The following CALN1 variants were observed in gnomAD, a reference collection of about 807,000 sequenced individuals.
CALN1 encodes the protein calneuron 1.
CALN1 carries 17 observed loss-of-function variants against 30.6 expected under a neutral mutation model. The observed-to-expected ratio is 0.56, with a 90% confidence interval of 0.38 to 0.83. CALN1 has a LOEUF of 0.83. Ranked by LOEUF, CALN1 falls within the 40% of genes least tolerant of loss-of-function variation. CALN1 has a pLI of 0.00. For synonymous variants in CALN1, 156 were observed against 131.4 expected, an observed-to-expected ratio of 1.19 and a Z score of -1.28; for missense variants, 291 against 354.9, an observed-to-expected ratio of 0.82 and a Z score of 1.45.
chr7:72,021,930 C>A (rs1319921890), intron 5 of CALN1, among the ~76,000 whole-genome samples: 1 of 152,140 alleles, frequency 6.6e-6, no homozygotes, highest in Non-Finnish European at 1.5e-5. Flanking sequence ...CTGCCAATAA[C>A]AGCAAGTTGG....
chr7:72,137,879 A>G (rs1180126981), intron 3 of CALN1, among the ~76,000 whole-genome samples: 4 of 152,222 alleles, frequency 2.6e-5, no homozygotes, highest in African/African-American at 9.7e-5. Context: ...TAAATATAGC[A>G]TATCTATTTG....
At chr7:71,887,444 C>T (rs760395912) in intron 5 of CALN1, among the ~76,000 whole-genome samples, 1 of 152,114 alleles carries the variant, frequency 6.6e-6, no homozygotes, top group Non-Finnish European at 1.5e-5. Context: ...TACAGGCATG[C>T]GTCACCACGC....
At chr7:71,927,028 G>T (rs774072402) in intron 5 of CALN1, among the ~76,000 whole-genome samples, 3 of 152,072 alleles carry the variant, frequency 2.0e-5, no homozygotes, top group Admixed American at 6.6e-5. Context: ...GTTCTGTCTT[G>T]CATTTTTATT....
At chr7:72,058,517 C>T (rs1803430080) in intron 4 of CALN1, among the ~76,000 whole-genome samples, 1 of 151,814 alleles carries the variant, frequency 6.6e-6, no homozygotes, top group Non-Finnish European at 1.5e-5. Context: ...TGGGGTTTCA[C>T]CATGTTGGTC....
chr7:72,022,400 T>C (rs1375441348), intron 5 of CALN1, among the ~76,000 whole-genome samples: 1 of 152,062 alleles, frequency 6.6e-6, no homozygotes, highest in African/African-American at 2.4e-5. Context: ...ATTATTTTTG[T>C]TTGTTTGTTT....
At chr7:72,152,510 C>T (rs1413489251) in intron 3 of CALN1, among the ~76,000 whole-genome samples, 1 of 152,172 alleles carries the variant, frequency 6.6e-6, no homozygotes, top group Non-Finnish European at 1.5e-5. Flanking sequence ...TGACTAGTGA[C>T]CAGTTTGATA....
chr7:72,460,430 G>A, the CALN1 span, among the ~76,000 whole-genome samples: 7 of 151,994 alleles, frequency 4.6e-5, no homozygotes, highest in Non-Finnish European at 8.8e-5. Context: ...TCAGGAGTTC[G>A]AGACCAGCCT....
At chr7:72,144,052 A>G (rs1224014397) in intron 3 of CALN1, among the ~76,000 whole-genome samples, 2 of 152,192 alleles carry the variant, frequency 1.3e-5, no homozygotes, top group African/African-American at 4.8e-5. Flanking sequence ...CGAGGCTAGG[A>G]AGAAACTGCA....
chr7:72,215,088 C>T (rs1418857122), intron 3 of CALN1, among the ~76,000 whole-genome samples: 1 of 152,100 alleles, frequency 6.6e-6, no homozygotes, highest in Non-Finnish European at 1.5e-5. Flanking sequence ...AACCATCCGA[C>T]ATCCCCCACT....
chr7:72,077,422 C>T (rs548589634), intron 4 of CALN1, among the ~76,000 whole-genome samples: 7 of 152,218 alleles, frequency 4.6e-5, no homozygotes, highest in African/African-American at 1.4e-4. Flanking sequence ...TACAGGCGTA[C>T]ACCATCACGC....
chr7:71,933,117 G>A (rs1279321728), intron 5 of CALN1, among the ~76,000 whole-genome samples: 5 of 151,880 alleles, frequency 3.3e-5, no homozygotes, highest in Non-Finnish European at 5.9e-5. Context: ...ATGGGTGAAT[G>A]CCATCAAGAA....
rs768579672 is a variant in CALN1 at position 71,787,835 on chromosome 7, G to A, written c.726C>T (p.Ala242=). Residue 242 remains alanine, a synonymous_variant, in exon 7 of 7, where the codon GCC becomes GCT. Transcript: ENST00000395275. ...RKSLICAFAM[A]FIISVMLIAA... ...CAATCAGCATGACACTGATGATGAA[G>A]GCCATAGCAAAGGCGCATATGAGGC... The A allele has an allele frequency of 1.1e-5, 17 of 1,614,168 alleles. No homozygotes were observed. The highest frequency in any genetic ancestry group is 9.9e-5 in the South Asian group (9 of 91,084).
At chr7:72,327,448 C>T (rs926474666) in intron 2 of CALN1, among the ~76,000 whole-genome samples, 1 of 152,206 alleles carries the variant, frequency 6.6e-6, no homozygotes, top group South Asian at 2.1e-4. Context: ...GAGATCACGG[C>T]ACTGCACTCC....
At chr7:72,409,671 T>C (rs916664772) in intron 1 of CALN1, among the ~76,000 whole-genome samples, 4 of 151,944 alleles carry the variant, frequency 2.6e-5, no homozygotes, top group African/African-American at 9.7e-5. Flanking sequence ...TGTTTGGGAA[T>C]GGAGAGGGAT....
At chr7:71,983,706 A>G (rs990251842) in intron 5 of CALN1, among the ~76,000 whole-genome samples, 25 of 151,928 alleles carry the variant, frequency 1.6e-4, no homozygotes, top group Admixed American at 1.6e-3. Flanking sequence ...TAATTTTTGT[A>G]TTTTTAGTAG....
intron 3 of CALN1, among the ~76,000 whole-genome samples, chr7:72,110,658 T>TC (rs1807506817): frequency 7.6e-6 from 1 of 131,766 alleles, no homozygotes. Flanking sequence ...CTCACTAACT[T>TC]TTTTTTTTTT....
At chr7:72,388,664 A>C (rs906554372) in intron 2 of CALN1, among the ~76,000 whole-genome samples, 5 of 152,146 alleles carry the variant, frequency 3.3e-5, no homozygotes, top group African/African-American at 1.2e-4. Context: ...TGTCTCCCCC[A>C]TCTGTGCCCT....
chr7:72,351,097 C>T (rs917629880), intron 2 of CALN1, among the ~76,000 whole-genome samples: 5 of 152,016 alleles, frequency 3.3e-5, no homozygotes, highest in Admixed American at 6.6e-5. Context: ...GCCAAGATCA[C>T]GCCATTGCAC....
At chr7:72,374,531 CAAAAAAAAAA>C (rs200948574) in intron 2 of CALN1, among the ~76,000 whole-genome samples, 1 of 50,492 alleles carries the variant, frequency 2.0e-5, no homozygotes, top group Non-Finnish European at 4.3e-5. Flanking sequence ...ACTCTGTCTC[CAAAAAAAAAA>C]AAAAAAGGAA....
Sources: allele counts gnomAD v4.1 joint callset (sites outside exome capture counted in the v4.1 genomes callset), GRCh38; gene constraint gnomAD v4.1.1; transcripts MANE v1.5; gene names NCBI Gene and HGNC (gene_info 2026-07-23, HGNC 2026-07-21).